Variants in RBM10 observed in about 807,000 individuals in gnomAD.
RBM10 encodes RNA binding motif protein 10.
A neutral mutation model predicts 84.9 loss-of-function variants in RBM10; 1 was observed. The ratio of observed to expected loss-of-function variants is 0.01; its 90% CI spans 0.00 to 0.06. RBM10 has a LOEUF of 0.06. RBM10 is among the 10% of genes least tolerant of loss of function. The pLI is 1.00. For missense variants in RBM10, 438 were observed against 839.0 expected (o/e 0.52, Z 5.90); for synonymous variants, 326 against 344.5 (o/e 0.95, Z 0.60).
At chrX:47,162,901 T>C (rs1242007735) in intron 2 of RBM10, among the ~76,000 whole-genome samples, 1 of 106,175 alleles carries the variant, frequency 9.4e-6, no homozygotes, top group Non-Finnish European at 1.9e-5. Context: ...GAGAGAGAAA[T>C]AGAGAAATTT....
chrX:47,148,884 A>G (rs1376078280), intron 2 of RBM10, among the ~76,000 whole-genome samples: 1 of 66,952 alleles, frequency 1.5e-5, no homozygotes, highest in African/African-American at 5.5e-5. Flanking sequence ...TCTATGATAC[A>G]TATCATAGAA....
intron 2 of RBM10, among the ~76,000 whole-genome samples, chrX:47,169,032 G>A (rs1303856271): frequency 1.8e-5 from 2 of 110,451 alleles, no homozygotes; most frequent in Non-Finnish European, 3.8e-5. Context: ...GCGGGCCTGA[G>A]GGCTTCCAAA....
rs2147226992 is a variant in RBM10 at position 47,186,368 on chromosome X, G to A, written c.2648G>A (p.Gly883Asp). ...EGSGLGRKKQGIVTPIEAQTR... is the reference protein window; with the variant it reads ...EGSGLGRKKQDIVTPIEAQTR... ...AGCGGCCTGGGCCGCAAGAAGCAGGGCATTGTAACGCCTATCGAGGTGAGT... is the reference window on the plus strand; with the variant it reads ...AGCGGCCTGGGCCGCAAGAAGCAGGACATTGTAACGCCTATCGAGGTGAGT... Residue 883 changes from glycine (G) to aspartate (D), a missense_variant, in exon 23 of 24, where the codon GGC (glycine) becomes GAC (aspartate). Gly to Asp is a moderately conservative substitution (Grantham distance 94). Transcript: ENST00000377604. 8.4e-7 allele frequency: 1 copy of A among 1,195,850 alleles called. No homozygotes were observed. Among genetic ancestry groups the A allele is most frequent in the Non-Finnish European group, 1.1e-6 (1 of 887,039 alleles).
At chrX:47,157,543 C>CGGTGGTCGCCGTATCATTAAAA in intron 2 of RBM10, 1 of 431,617 alleles carries the variant, frequency 2.3e-6, no homozygotes, top group Non-Finnish European at 4.3e-6. Flanking sequence ...ATGTAGATCT[C>CGGTGGTCGCCGTATCATTAAAA]AATCTTCCAG....
intron 2 of RBM10, among the ~76,000 whole-genome samples, chrX:47,155,166 A>G (rs1244485552): frequency 6.5e-5 from 7 of 107,858 alleles, no homozygotes; most frequent in African/African-American, 2.4e-4. Flanking sequence ...AAAAAAAAAA[A>G]AAGAGTTTGG....
At chrX:47,157,073 C>A in intron 2 of RBM10, 1 of 283,493 alleles carries the variant, frequency 3.5e-6, no homozygotes, top group Non-Finnish European at 6.8e-6. Context: ...CCAGTGCCTG[C>A]CGCAGGGCCC....
intron 5 of RBM10, among the ~76,000 whole-genome samples, chrX:47,173,889 A>ATCTCTCTCTCTCTCTCTCTCTCTCTC (rs537480494): frequency 5.2e-5 from 2 of 38,596 alleles, no homozygotes; most frequent in African/African-American, 1.2e-4. Flanking sequence ...CCACACCTCC[A>ATCTCTCTCTCTCTCTCTCTCTCTCTC]TCTCTCTCTC....
At chrX:47,154,141 C>G (rs782082323) in intron 2 of RBM10, among the ~76,000 whole-genome samples, 1 of 111,882 alleles carries the variant, frequency 8.9e-6, no homozygotes, top group South Asian at 3.7e-4. Flanking sequence ...TTTATATTTT[C>G]TAGAAATATA....
chrX:47,182,243 G>A lies in RBM10; in HGVS notation c.1867G>A (p.Ala623Thr), dbSNP rs1935604416. 1 of 1,211,845 alleles carries A rather than the reference G, an allele frequency of 8.3e-7. No individual in the cohort carries two copies. Among genetic ancestry groups the A allele is most frequent in the Non-Finnish European group, 1.1e-6 (1 of 895,486 alleles). The change falls in exon 17 of 24, where the codon GCC becomes ACC. Residue 623 changes from alanine to threonine, a missense_variant. Physicochemically the swap from Ala to Thr is moderately conservative, Grantham distance 58 (BLOSUM62 0). Transcript: ENST00000377604. ...RTYVPALEQS[A>T]DGHKETGAPS... Reference sequence around the variant, plus strand: ...CTATGTTCCCGCCCTGGAGCAGTCGGCCGACGGACATAAGGAGACAGGGGC... The same window carrying A: ...CTATGTTCCCGCCCTGGAGCAGTCGACCGACGGACATAAGGAGACAGGGGC...
chrX:47,156,766 T>A (rs1933184190), intron 2 of RBM10: 1 of 172,171 alleles, frequency 5.8e-6, no homozygotes, highest in East Asian at 2.4e-4. Context: ...GCATTGGCCT[T>A]CCAGGGTGCA....
chrX:47,179,866 GC>G lies in RBM10; in HGVS notation c.902-10del. On this transcript the variant is annotated splice_polypyrimidine_tract_variant and intron_variant, in intron 9 of 23. Transcript: ENST00000377604. ...TGCCAGGGGTGTCCTCTAACATTGG[GC>G]CCCTTCCCACAGCCATCATTTTGCG... 8.3e-7 allele frequency: 1 copy of G among 1,199,520 alleles called. No individual in the cohort carries two copies. The highest frequency in any genetic ancestry group is 1.1e-6 in the Non-Finnish European group (1 of 889,470).
rs202052447 is a variant in RBM10 at position 47,156,375 on chromosome X, G to GT, written c.17+8888dup. 6.0e-3 allele frequency among the ~76,000 whole-genome samples: 627 copies of GT among 104,988 alleles called. 2 individuals are homozygous for GT. Among genetic ancestry groups the GT allele is most frequent in the African/African-American group, 0.011 (323 of 29,174 alleles). 91.2% of individuals were successfully genotyped at this position (104,988 alleles called of 115,157 possible). A position where few individuals can be genotyped will look rare whatever the true frequency, so the allele number is the denominator to read the frequency against. Reference sequence around the variant, plus strand: ...TTATAGATTAAAGGATACACATACAGTTTTTTTTTTTAACTCAGTGAAGAT... The same window carrying GT: ...TTATAGATTAAAGGATACACATACAGTTTTTTTTTTTTAACTCAGTGAAGAT... On this transcript the variant is annotated intron_variant, in intron 2 of 23. Coordinates refer to ENST00000377604, the MANE Select transcript of RBM10 (RefSeq NM_005676.5).
chrX:47,152,650 T>G (rs1327944764), intron 2 of RBM10, among the ~76,000 whole-genome samples: 1 of 107,174 alleles, frequency 9.3e-6, no homozygotes, highest in Non-Finnish European at 1.9e-5. Context: ...TTTCACCATG[T>G]TGGTCAGGTT....
At chrX:47,185,233 G>T in intron 18 of RBM10, 29 bp downstream of exon 18, 1 of 1,212,226 alleles carries the variant, frequency 8.2e-7, no homozygotes, top group African/African-American at 1.7e-5. Context: ...CCTGCACCCT[G>T]CCCCACAATC....
chrX:47,148,205 A>C (rs969222473), intron 2 of RBM10, among the ~76,000 whole-genome samples: 2 of 112,461 alleles, frequency 1.8e-5, no homozygotes, highest in Non-Finnish European at 3.8e-5. Flanking sequence ...CTCCTTTTAA[A>C]AATGTAGAAT....
intron 10 of RBM10, 40 bp downstream of exon 10, chrX:47,180,080 C>T (rs1232659995): frequency 2.5e-6 from 3 of 1,205,789 alleles, no homozygotes; most frequent in East Asian, 3.0e-5. Context: ...GCCAGGGTCC[C>T]GGCCCCCGGG....
At chrX:47,159,954 A>G (rs1399361957) in intron 2 of RBM10, among the ~76,000 whole-genome samples, 1 of 111,680 alleles carries the variant, frequency 9.0e-6, no homozygotes, top group Non-Finnish European at 1.9e-5. Context: ...CCTGACCAAC[A>G]TGGAGAAACC....
chrX:47,180,141 G>A (rs1365122093), intron 10 of RBM10, 71 bp from the exon 11 acceptor site: 9 of 1,181,949 alleles, frequency 7.6e-6, no homozygotes, highest in Non-Finnish European at 1.0e-5. Context: ...TGCCAGCCTG[G>A]AAATCGGGCA....
At chrX:47,179,288 T>C in intron 8 of RBM10, 31 bp from the exon 9 acceptor site, 1 of 1,190,568 alleles carries the variant, frequency 8.4e-7, no homozygotes, top group Non-Finnish European at 1.1e-6. Flanking sequence ...CTTCCCCTTA[T>C]CACCAGCCTG....
Sources: allele counts gnomAD v4.1 joint callset (sites outside exome capture counted in the v4.1 genomes callset), GRCh38; gene constraint gnomAD v4.1.1; transcripts MANE v1.5; gene names NCBI Gene and HGNC (gene_info 2026-07-23, HGNC 2026-07-21).